Variants in PANX3 observed in about 807,000 individuals in gnomAD.
PANX3 encodes pannexin-3.
Under a neutral mutation model 31.5 loss-of-function variants are expected in PANX3, and 18 were observed. The ratio of observed to expected loss-of-function variants is 0.57; its 90% confidence interval spans 0.39 to 0.85. PANX3 has a LOEUF of 0.85. PANX3 is among the 40% of genes least tolerant of loss of function. The pLI, the probability that PANX3 is intolerant of heterozygous loss-of-function variation, is 0.00. For missense variants in PANX3, 426 were observed against 485.4 expected (o/e 0.88, Z 1.15); for synonymous variants, 194 against 201.6 (o/e 0.96, Z 0.32).
chr11:124,619,712 T>C lies in PANX3; in HGVS notation c.956T>C (p.Leu319Pro). Residue 319 changes from leucine (L) to proline (P), a missense_variant, in exon 4 of 4, where the codon CTA becomes CCA. Physicochemically the swap from Leu to Pro is moderately conservative, Grantham distance 98. Transcript: ENST00000284288. ...PAFDLLSRKM[L>P]GCPINDLNVI... ...TTTGATCTCCTCAGCAGAAAGATGC[T>C]AGGATGTCCCATCAATGACCTCAAT... The C allele has an allele frequency of 6.2e-7, 1 of 1,614,160 alleles. No homozygotes were observed. Among genetic ancestry groups the C allele is most frequent in the Non-Finnish European group, 8.5e-7 (1 of 1,180,016 alleles).
At chr11:124,614,558 G>A (rs1863131136) in intron 2 of PANX3, among the ~76,000 whole-genome samples, 1 of 151,636 alleles carries the variant, frequency 6.6e-6, no homozygotes, top group Non-Finnish European at 1.5e-5. Flanking sequence ...ATAAGCCATA[G>A]CACCTGGCCA....
Position 124,616,374 on chromosome 11 carries a change from A to T in PANX3, c.325-900A>T, listed in dbSNP as rs546931121. On this transcript the variant is annotated intron_variant, in intron 2 of 3. Transcript: ENST00000284288. This position sits in a 1 kb window ranked among gnomAD's most constrained non-coding sequence, Gnocchi z 4.8. ...TGCTTCTTTACCTGGCTTTTTTTTT[A>T]AAAAAGAAAAAAAAGAACATCAGTC... Among the ~76,000 whole-genome samples, 23 of 151,888 alleles carry T rather than the reference A, an allele frequency of 1.5e-4. No homozygotes were observed. In the South Asian group the frequency reaches 1.9e-3, roughly 12 times the overall value.
rs75434938 is a variant in PANX3, at chr11:124,619,996, C to G, written c.*61C>G. ...TCTCTCTCCTTCCTCATAAGACATG[C>G]ACACTAATACACATACACACCAAAA... On this transcript the variant is annotated 3_prime_UTR_variant, in exon 4 of 4. Transcript: ENST00000284288. The G allele has an allele frequency of 1.6e-3, 2,421 of 1,499,428 alleles. 40 individuals are homozygous for G. In the African/African-American group the frequency reaches 0.031, roughly 19 times the overall value. 92.9% of individuals were successfully genotyped at this position (1,499,428 alleles called of 1,614,324 possible). A position where few individuals can be genotyped will look rare whatever the true frequency, so the allele number is the denominator to read the frequency against.
chr11:124,612,994 T>A lies in PANX3; in HGVS notation c.196T>A (p.Cys66Ser). Residue 66 changes from cysteine to serine, a missense_variant, in exon 2 of 4, where the codon TGC becomes AGC. Transcript: ENST00000284288. ...TCCTGTTGCAGGGTCTCCGATCAGCTGCTTCTCTCCCAGTAACTTCAGCAT... is the reference window on the plus strand; with the variant it reads ...TCCTGTTGCAGGGTCTCCGATCAGCAGCTTCTCTCCCAGTAACTTCAGCAT... The part of the protein sequence containing the change: ...QEFSSGSPIS[C>S]FSPSNFSIRQ... 2.5e-6 allele frequency: 4 copies of A among 1,614,136 alleles called. No homozygotes were observed. The highest frequency in any genetic ancestry group is 3.4e-6 in the Non-Finnish European group (4 of 1,180,004).
chr11:124,613,301 A>C (rs1338456900), intron 2 of PANX3, among the ~76,000 whole-genome samples, 179 bp downstream of exon 2: 1 of 152,118 alleles, frequency 6.6e-6, no homozygotes, highest in Non-Finnish European at 1.5e-5. Flanking sequence ...CTTTTATCTA[A>C]TTGGAAGCTT....
intron 1 of PANX3, among the ~76,000 whole-genome samples, chr11:124,612,721 C>T (rs918861316): frequency 6.6e-6 from 1 of 152,172 alleles, no homozygotes; most frequent in East Asian, 1.9e-4. Context: ...ACAAAAAGCC[C>T]AGGGGGTGCT....
intron 1 of PANX3, among the ~76,000 whole-genome samples, chr11:124,612,246 CCTGT>C (rs1425367150): frequency 1.3e-5 from 2 of 152,182 alleles, no homozygotes; most frequent in Non-Finnish European, 2.9e-5. Context: ...CCCACTGCTT[CCTGT>C]CTACAAACCC....
In PANX3 at chr11:124,620,053, T is replaced by C. The variant is rs1406054757; in HGVS notation, c.*118T>C. 2 of 1,071,838 alleles carry C rather than the reference T, an allele frequency of 1.9e-6. No individual in the cohort carries two copies. The highest frequency in any genetic ancestry group is 2.4e-5 in the East Asian group (1 of 40,868). The allele number at this position is 1,071,838 out of a possible 1,614,324, so 66.4% of individuals were successfully genotyped here. ...ACATTTTAAAACTGCTAAGCTTGGA[T>C]TTAACTGAATCATATATCTTTTATC... On this transcript the variant is annotated 3_prime_UTR_variant, in exon 4 of 4. Coordinates refer to ENST00000284288, the MANE Select transcript of PANX3 (RefSeq NM_052959.3).
chr11:124,613,668 G>A (rs530804439), intron 2 of PANX3, among the ~76,000 whole-genome samples: 2 of 152,294 alleles, frequency 1.3e-5, no homozygotes, highest in South Asian at 2.1e-4. Context: ...GAGGGAAAGA[G>A]GAGCCGCTTG....
In PANX3 at chr11:124,616,736, C is replaced by T. The variant is rs1863156585; in HGVS notation, c.325-538C>T. On this transcript the variant is annotated intron_variant, in intron 2 of 3. Coordinates refer to ENST00000284288, the MANE Select transcript of PANX3 (RefSeq NM_052959.3). This position sits in a 1 kb window ranked among gnomAD's most constrained non-coding sequence, Gnocchi z 4.8. ...CCAAGAATCCAAAAATCAGAAAAGA[C>T]CACTGTGCATCAGACAAGTCCAGGA... 6.6e-6 allele frequency among the ~76,000 whole-genome samples: 1 copy of T among 152,170 alleles called. No homozygotes were observed.
At chr11:124,619,146 G>A (rs1863185353) in intron 3 of PANX3, 150 bp from the exon 4 acceptor site, 5 of 772,876 alleles carry the variant, frequency 6.5e-6, no homozygotes, top group South Asian at 3.7e-5. Flanking sequence ...CAGTTTGGGG[G>A]AGAAGCATGG....
intron 2 of PANX3, among the ~76,000 whole-genome samples, chr11:124,614,619 A>G (rs1863131541): frequency 6.6e-6 from 1 of 151,330 alleles, no homozygotes; most frequent in Non-Finnish European, 1.5e-5. Flanking sequence ...AGCCTACTAC[A>G]ACAGAATCTC....
In PANX3 at chr11:124,616,689, C is replaced by G. The variant is rs78119746; in HGVS notation, c.325-585C>G. On this transcript the variant is annotated intron_variant, in intron 2 of 3. Coordinates refer to ENST00000284288, the MANE Select transcript of PANX3 (RefSeq NM_052959.3). This position sits in a 1 kb window ranked among gnomAD's most constrained non-coding sequence, Gnocchi z 4.8. ...CCCGCAAAGAATCCCAAGACAGTGT[C>G]TGATAGTGTAGTTTGGCATTACCAA... Among the ~76,000 whole-genome samples the G allele has an allele frequency of 4.9e-4, 75 of 152,340 alleles. No individual in the cohort carries two copies. The highest frequency in any genetic ancestry group is 1.7e-3 in the African/African-American group (70 of 41,570).
At chr11:124,617,676 A>G (rs759301109) in intron 3 of PANX3, among the ~76,000 whole-genome samples, 188 bp downstream of exon 3, 2 of 152,238 alleles carry the variant, frequency 1.3e-5, no homozygotes, top group Non-Finnish European at 2.9e-5. Context: ...TCTAGTGTAC[A>G]GATGACCACA....
chr11:124,611,756 C>T lies in PANX3; in HGVS notation c.181+19C>T. ...TCCTCTGGTAAGTTGCTTCCAAGACCCAGTGCGCAAGAGAGACTCCCCCTC... is the reference window on the plus strand; with the variant it reads ...TCCTCTGGTAAGTTGCTTCCAAGACTCAGTGCGCAAGAGAGACTCCCCCTC... On this transcript the variant is annotated intron_variant, in intron 1 of 3. Coordinates refer to ENST00000284288, the MANE Select transcript of PANX3 (RefSeq NM_052959.3). 6.2e-7 allele frequency: 1 copy of T among 1,609,144 alleles called. No homozygotes were observed. The highest frequency in any genetic ancestry group is 8.5e-7 in the Non-Finnish European group (1 of 1,176,910).
Position 124,619,523 on chromosome 11 carries a change from C to T in PANX3, c.767C>T (p.Pro256Leu), listed in dbSNP as rs1290368737. ...CTGCTAAGTGATGAGACCCATGTCC[C>T]CAATCTGATCACATGCAGGCTGACA... ...TGLLSDETHV[P>L]NLITCRLTSL... Residue 256 changes from proline to leucine, a missense_variant, in exon 4 of 4, where the codon CCC becomes CTC. By Grantham distance (98) the Pro-to-Leu change is moderately conservative. Transcript: ENST00000284288. 6 of 1,614,148 alleles carry T rather than the reference C, an allele frequency of 3.7e-6. No individual in the cohort carries two copies. The highest frequency in any genetic ancestry group is 5.1e-6 in the Non-Finnish European group (6 of 1,180,032).
At chr11:124,617,245 C>G in intron 2 of PANX3, 29 bp from the exon 3 acceptor site, 1 of 1,568,298 alleles carries the variant, frequency 6.4e-7, no homozygotes, top group Non-Finnish European at 8.7e-7. Context: ...CAGCCCCGGC[C>G]TCCCTCCTCA....
intron 2 of PANX3, among the ~76,000 whole-genome samples, chr11:124,613,900 A>G (rs1863121798): frequency 6.6e-6 from 1 of 152,042 alleles, no homozygotes; most frequent in Admixed American, 6.5e-5. Flanking sequence ...AGTCTTCAAT[A>G]TTGGGCTCCC....
chr11:124,611,830 G>A (rs926313029), intron 1 of PANX3, 93 bp downstream of exon 1: 23 of 1,342,678 alleles, frequency 1.7e-5, no homozygotes, highest in South Asian at 3.1e-5. Context: ...GCACAGTGAC[G>A]GGATTCCATG....
Sources: gnomAD v4.1 joint callset for allele counts (sites outside exome capture counted in the v4.1 genomes callset) on GRCh38, gnomAD v4.1.1 for gene constraint, Gnocchi (gnomAD v3.1) non-coding constraint, MANE v1.5 for transcripts, NCBI Gene and HGNC (gene_info 2026-07-23, HGNC 2026-07-21) for gene names.